Variants in HDGFL3 observed in about 807,000 individuals in gnomAD.
HDGFL3 encodes the protein hepatoma-derived growth factor-related protein 3.
HDGFL3 carries 6 observed loss-of-function variants against 27.6 expected under a neutral mutation model. The observed-to-expected ratio is 0.22, with a 90% CI of 0.12 to 0.43. The LOEUF is 0.43. HDGFL3 is among the 20% of genes least tolerant of loss of function. The pLI is 1.00. For synonymous variants in HDGFL3, 88 were observed against 88.9 expected (o/e 0.99, Z 0.05); for missense variants, 207 against 250.1 (o/e 0.83, Z 1.16).
At chr15:83,186,694 C>A (rs1466178513) in intron 1 of HDGFL3, among the ~76,000 whole-genome samples, 1 of 151,544 alleles carries the variant, frequency 6.6e-6, no homozygotes, top group East Asian at 1.9e-4. Context: ...TACGCAAAGG[C>A]ATACAGAGTG....
intron 1 of HDGFL3, among the ~76,000 whole-genome samples, chr15:83,195,906 A>G (rs1252172884): frequency 6.6e-6 from 1 of 152,050 alleles, no homozygotes; most frequent in African/African-American, 2.4e-5. Context: ...GCAAAAATGA[A>G]AACAGGTTAC....
intron 1 of HDGFL3, among the ~76,000 whole-genome samples, chr15:83,184,397 T>C (rs1465226088): frequency 6.6e-6 from 1 of 152,252 alleles, no homozygotes; most frequent in Admixed American, 6.5e-5. Flanking sequence ...TGGCTTTTTA[T>C]GCTTGTTTTC....
chr15:83,121,899 T>C (rs765479370), intron 3 of HDGFL3: 1 of 1,570,088 alleles, frequency 6.4e-7, no homozygotes, highest in Admixed American at 1.9e-5. Context: ...AAGTCAAGAT[T>C]TTTTTGTTGT....
At chr15:83,206,500 A>C (rs2037718350) in intron 1 of HDGFL3, among the ~76,000 whole-genome samples, 2 of 152,258 alleles carry the variant, frequency 1.3e-5, no homozygotes, top group South Asian at 4.1e-4. Context: ...AAAAATTGTG[A>C]ATGCTATGTA....
At chr15:83,124,162 G>GTTTAAACATGTGGAAACA (rs2035520592), downstream of HDGFL3, among the ~76,000 whole-genome samples, 1 of 152,150 alleles carries the variant, frequency 6.6e-6, no homozygotes, top group Non-Finnish European at 1.5e-5. Flanking sequence ...ATGTGGGAAA[G>GTTTAAACATGTGGAAACA]TGCTTATAAT....
At chr15:83,144,039 T>C (rs1373218083) in intron 5 of HDGFL3, among the ~76,000 whole-genome samples, 1 of 152,214 alleles carries the variant, frequency 6.6e-6, no homozygotes, top group Non-Finnish European at 1.5e-5. Flanking sequence ...TTCTCAGACC[T>C]TCCCCTCCAC....
At chr15:83,185,346 G>A (rs1231830486) in intron 1 of HDGFL3, among the ~76,000 whole-genome samples, 1 of 152,180 alleles carries the variant, frequency 6.6e-6, no homozygotes, top group Non-Finnish European at 1.5e-5. Context: ...AAGTCTTCAA[G>A]AGCCTAGAAG....
chr15:83,156,279 G>A (rs1018437213), intron 4 of HDGFL3, among the ~76,000 whole-genome samples: 1 of 151,994 alleles, frequency 6.6e-6, no homozygotes, highest in African/African-American at 2.4e-5. Context: ...AGAAAGCCCT[G>A]GCCACCCTAT....
At chr15:83,157,670 C>G (rs764798482) in intron 3 of HDGFL3, 97 bp from the exon 4 acceptor site, 4 of 1,229,418 alleles carry the variant, frequency 3.3e-6, no homozygotes, top group Non-Finnish European at 4.6e-6. Flanking sequence ...GAAAGGGTTC[C>G]GCTTACTCGG....
chr15:83,140,831 A>C (rs1282983247), intron 5 of HDGFL3, among the ~76,000 whole-genome samples: 3 of 152,200 alleles, frequency 2.0e-5, no homozygotes, highest in Non-Finnish European at 2.9e-5. Flanking sequence ...AAAGGCAATA[A>C]ATTCTATGTT....
At position 83,203,541 on chromosome 15, in the gene HDGFL3, A is replaced by C. The variant is rs571105881; in HGVS notation, c.84+3790T>G. Among the ~76,000 whole-genome samples, 4 of 152,226 alleles carry C rather than the reference A, an allele frequency of 2.6e-5. No homozygotes were observed. The East Asian group carries it at 7.7e-4, about 29-fold the overall frequency. ...TACACAAAAATAATATTAGTAATGTAGATGCAAGCAAACAACAAGGTAAAT... is the reference window on the plus strand; with the variant it reads ...TACACAAAAATAATATTAGTAATGTCGATGCAAGCAAACAACAAGGTAAAT... On this transcript the variant is annotated intron_variant, in intron 1 of 5. Coordinates refer to ENST00000299633, the MANE Select transcript of HDGFL3 (RefSeq NM_016073.4).
At chr15:83,116,055 T>G in intron 3 of HDGFL3, 1 of 795,476 alleles carries the variant, frequency 1.3e-6, no homozygotes, top group South Asian at 1.6e-5. Context: ...CTACGCAGGC[T>G]TTCATTTCCT....
At chr15:83,178,699 C>A (rs1025322264) in intron 1 of HDGFL3, among the ~76,000 whole-genome samples, 2 of 152,118 alleles carry the variant, frequency 1.3e-5, no homozygotes, top group African/African-American at 2.4e-5. Context: ...TCTCATAGAG[C>A]TAAGTTTCTT....
intron 1 of HDGFL3, among the ~76,000 whole-genome samples, chr15:83,184,388 G>A (rs974469478): frequency 6.6e-6 from 1 of 152,058 alleles, no homozygotes; most frequent in Non-Finnish European, 1.5e-5. Flanking sequence ...TATGATGTCT[G>A]GCTTTTTATG....
intron 1 of HDGFL3, among the ~76,000 whole-genome samples, chr15:83,192,618 A>T (rs966730969): frequency 2.0e-5 from 3 of 152,182 alleles, no homozygotes; most frequent in Admixed American, 6.5e-5. Flanking sequence ...TTTTTGGATA[A>T]TTTTTTCAGA....
chr15:83,125,151 G>C (rs1362632840), downstream of HDGFL3, among the ~76,000 whole-genome samples: 1 of 152,214 alleles, frequency 6.6e-6, no homozygotes, highest in African/African-American at 2.4e-5. Flanking sequence ...GCATCCCTGT[G>C]TTCTCAGGAG....
At chr15:83,202,539 G>A (rs1359889611) in intron 1 of HDGFL3, among the ~76,000 whole-genome samples, 1 of 152,100 alleles carries the variant, frequency 6.6e-6, no homozygotes, top group Non-Finnish European at 1.5e-5. Flanking sequence ...CTTGGTAGGA[G>A]TGAGGACTCG....
chr15:83,155,070 G>T (rs1453329684), intron 4 of HDGFL3, among the ~76,000 whole-genome samples: 1 of 152,002 alleles, frequency 6.6e-6, no homozygotes, highest in Non-Finnish European at 1.5e-5. Context: ...TCACTATGTT[G>T]CCCAGGCTGG....
intron 5 of HDGFL3, chr15:83,144,388 C>T: frequency 2.2e-6 from 1 of 455,780 alleles, no homozygotes; most frequent in Non-Finnish European, 4.4e-6. Flanking sequence ...TGGGCTGGAC[C>T]TAGTGACTTG....
Sources: gnomAD v4.1 joint callset for allele counts (sites outside exome capture counted in the v4.1 genomes callset) on GRCh38, gnomAD v4.1.1 for gene constraint, MANE v1.5 for transcripts, NCBI Gene and HGNC (gene_info 2026-07-23, HGNC 2026-07-21) for gene names.